PHACTR3: variants seen among roughly 807,000 people sequenced by gnomAD.
The protein encoded by PHACTR3 is phosphatase and actin regulator 3, also known as protein phosphatase 1, regulatory subunit 123.
A neutral mutation model predicts 66.8 loss-of-function variants in PHACTR3; 16 were observed. That is an observed-to-expected ratio of 0.24 (90% CI 0.16 to 0.36). The LOEUF (loss-of-function observed/expected upper bound fraction) is 0.36, where lower values mean the gene tolerates loss of function less well. Ranked by LOEUF, PHACTR3 falls within the 10% of genes least tolerant of loss-of-function variation. The pLI is 1.00. For missense variants in PHACTR3, 647 were observed against 719.9 expected (o/e 0.90, Z 1.16); for synonymous variants, 323 against 292.1 (o/e 1.11, Z -1.08).
At chr20:59,825,426 G>GTTCATTCACTCATTCACTCA (rs2042160957) in intron 8 of PHACTR3, among the ~76,000 whole-genome samples, 1 of 152,004 alleles carries the variant, frequency 6.6e-6, no homozygotes, top group East Asian at 1.9e-4. Context: ...TCATTCACTC[G>GTTCATTCACTCATTCACTCA]TTCATTCACT....
At chr20:59,634,468 G>C (rs2034778181) in intron 1 of PHACTR3, among the ~76,000 whole-genome samples, 2 of 152,180 alleles carry the variant, frequency 1.3e-5, no homozygotes, top group Admixed American at 6.5e-5. Context: ...GTGAACGGTG[G>C]TGATGGTCAT....
In PHACTR3 at chr20:59,739,566, C is replaced by T. The variant is rs193040656; in HGVS notation, c.119-3541C>T. ...GTGCAGGGCGAAGGGGGAGGAGCCT[C>T]CCTTATAAAACCAACAGATCTCAAG... On this transcript the variant is annotated intron_variant, in intron 1 of 12. Transcript: ENST00000371015. 9.2e-5 allele frequency among the ~76,000 whole-genome samples: 14 copies of T among 152,216 alleles called. No individual in the cohort carries two copies. The East Asian group carries it at 2.7e-3, about 29-fold the overall frequency.
chr20:59,775,091 G>GGTCAGA (rs369462760), intron 7 of PHACTR3, among the ~76,000 whole-genome samples: 92,662 of 151,656 alleles, frequency 0.61, 30,091 homozygotes, highest in Non-Finnish European at 0.71. Flanking sequence ...TCTCCCATGA[G>GGTCAGA]GTAATTGCTC....
chr20:59,690,063 A>G, intron 1 of PHACTR3, among the ~76,000 whole-genome samples: 1 of 152,028 alleles, frequency 6.6e-6, no homozygotes, highest in Non-Finnish European at 1.5e-5. Flanking sequence ...ATCTTGTTTC[A>G]CATCTTTCAG....
chr20:59,681,759 T>C lies in PHACTR3; in HGVS notation c.119-61348T>C, dbSNP rs532938794. On this transcript the variant is annotated intron_variant, in intron 1 of 12. Coordinates refer to ENST00000371015, the MANE Select transcript of PHACTR3 (RefSeq NM_080672.5). ...GGCATGGCGGCTCACCCCTGTAATC[T>C]CAGCTCTTTGGGAGGCCGAGGTGGG... Among the ~76,000 whole-genome samples the C allele has an allele frequency of 6.0e-4, 92 of 152,280 alleles. 1 individual carries two copies. The highest frequency in any genetic ancestry group is 2.1e-3 in the African/African-American group (88 of 41,570).
At chr20:59,745,781 C>T (rs2039344997) in intron 2 of PHACTR3, among the ~76,000 whole-genome samples, 1 of 152,222 alleles carries the variant, frequency 6.6e-6, no homozygotes, top group Admixed American at 6.5e-5. Flanking sequence ...CTCAGATCCA[C>T]TCAGCCATTT....
intron 7 of PHACTR3, 125 bp from the exon 8 acceptor site, chr20:59,805,916 C>G: frequency 1.9e-6 from 2 of 1,031,632 alleles, no homozygotes; most frequent in Non-Finnish European, 2.9e-6. Context: ...TCAGTTCTAG[C>G]CACCATCACC....
intron 8 of PHACTR3, among the ~76,000 whole-genome samples, chr20:59,831,748 C>T (rs796828357): frequency 1.4e-4 from 22 of 152,316 alleles, no homozygotes; most frequent in African/African-American, 4.6e-4. Context: ...GAAGCCCTGG[C>T]GGCATCCCTG....
At chr20:59,689,677 AG>A (rs1281003699) in intron 1 of PHACTR3, among the ~76,000 whole-genome samples, 2 of 152,202 alleles carry the variant, frequency 1.3e-5, no homozygotes, top group African/African-American at 2.4e-5. Context: ...AGGCCTTGCC[AG>A]GGATCCCAAA....
chr20:59,782,763 T>C (rs765164278), intron 7 of PHACTR3, among the ~76,000 whole-genome samples: 23 of 152,130 alleles, frequency 1.5e-4, no homozygotes, highest in Non-Finnish European at 2.8e-4. Flanking sequence ...CCCACAACAC[T>C]TGGGAATTAT....
chr20:59,742,025 T>G (rs1352835917), intron 1 of PHACTR3, among the ~76,000 whole-genome samples: 2 of 152,244 alleles, frequency 1.3e-5, no homozygotes, highest in African/African-American at 4.8e-5. Context: ...CCTCCCAAAG[T>G]GCTGGGATTA....
chr20:59,781,333 G>A (rs1045893141), intron 7 of PHACTR3, among the ~76,000 whole-genome samples: 4 of 152,222 alleles, frequency 2.6e-5, no homozygotes, highest in Non-Finnish European at 5.9e-5. Flanking sequence ...AAGGCCTCTC[G>A]ATGGCACCTG....
intron 7 of PHACTR3, among the ~76,000 whole-genome samples, chr20:59,797,472 G>T (rs1009121432): frequency 6.6e-6 from 1 of 152,002 alleles, no homozygotes; most frequent in Admixed American, 6.6e-5. Context: ...TAATTTTACA[G>T]ATTGGCATAT....
At chr20:59,712,431 T>G (rs1384879343) in intron 1 of PHACTR3, among the ~76,000 whole-genome samples, 1 of 152,224 alleles carries the variant, frequency 6.6e-6, no homozygotes, top group Non-Finnish European at 1.5e-5. Flanking sequence ...AGCTTTGAGA[T>G]GCATTTCCAG....
chr20:59,823,217 C>A (rs2042099106), intron 8 of PHACTR3, among the ~76,000 whole-genome samples: 1 of 152,202 alleles, frequency 6.6e-6, no homozygotes, highest in East Asian at 1.9e-4. Flanking sequence ...CCTCATCCAT[C>A]TGTCCGGAGT....
At chr20:59,824,452 C>G (rs914714322) in intron 8 of PHACTR3, among the ~76,000 whole-genome samples, 4 of 152,300 alleles carry the variant, frequency 2.6e-5, no homozygotes, top group Admixed American at 6.5e-5. Context: ...CGTTTATTCC[C>G]TTTTATCTTC....
chr20:59,722,313 G>A (rs2038346164), intron 1 of PHACTR3, among the ~76,000 whole-genome samples: 1 of 151,664 alleles, frequency 6.6e-6, no homozygotes, highest in Non-Finnish European at 1.5e-5. Context: ...GGGCAGGGTG[G>A]GCACCTCTGT....
intron 1 of PHACTR3, among the ~76,000 whole-genome samples, chr20:59,586,201 C>T (rs969842710): frequency 1.1e-4 from 16 of 152,198 alleles, no homozygotes; most frequent in Non-Finnish European, 1.8e-4. Context: ...CTGCCTCCTG[C>T]ACATTGCACA....
At chr20:59,688,070 C>T (rs1014894577) in intron 1 of PHACTR3, among the ~76,000 whole-genome samples, 1 of 152,206 alleles carries the variant, frequency 6.6e-6, no homozygotes, top group Non-Finnish European at 1.5e-5. Context: ...AATGGAATTA[C>T]ACTGACTTGT....
Sources: allele counts gnomAD v4.1 joint callset (sites outside exome capture counted in the v4.1 genomes callset), GRCh38; gene constraint gnomAD v4.1.1; transcripts MANE v1.5; gene names NCBI Gene and HGNC (gene_info 2026-07-23, HGNC 2026-07-21).